The following DNAJC1 variants were observed in gnomAD, a reference collection of about 807,000 sequenced individuals.
DNAJC1 encodes dnaJ homolog subfamily C member 1.
In DNAJC1, 58 loss-of-function variants were observed where a neutral mutation model predicts 76.6. The observed-to-expected ratio is 0.76, with a 90% CI of 0.61 to 0.94. The LOEUF is 0.94. Among genes scored for constraint, DNAJC1 ranks in the 40% least tolerant of loss-of-function variants. DNAJC1 has a pLI of 0.00. For synonymous variants in DNAJC1, 258 were observed against 267.9 expected (o/e 0.96, Z 0.36); for missense variants, 689 against 677.3 (o/e 1.02, Z -0.19).
At chr10:21,840,025 GA>G (rs1383353353) in intron 8 of DNAJC1, among the ~76,000 whole-genome samples, 2 of 152,188 alleles carry the variant, frequency 1.3e-5, no homozygotes, top group African/African-American at 2.4e-5. Flanking sequence ...AATAGATGCA[GA>G]AAAGGCCTTT....
chr10:21,884,547 C>T (rs1231988262), intron 7 of DNAJC1, among the ~76,000 whole-genome samples: 1 of 151,996 alleles, frequency 6.6e-6, no homozygotes, highest in Non-Finnish European at 1.5e-5. Context: ...AGCAATTCTC[C>T]CAGAAACAAA....
chr10:21,889,498 A>G (rs759577129), intron 7 of DNAJC1, among the ~76,000 whole-genome samples: 11 of 152,246 alleles, frequency 7.2e-5, no homozygotes, highest in Non-Finnish European at 1.0e-4. Flanking sequence ...AAAAAAGATA[A>G]AAGAGTAAAC....
At chr10:21,980,286 G>T (rs1299939743) in intron 1 of DNAJC1, among the ~76,000 whole-genome samples, 2 of 152,026 alleles carry the variant, frequency 1.3e-5, no homozygotes, top group Non-Finnish European at 1.5e-5. Context: ...TAATTTTACG[G>T]TGGAGAAACC....
intron 6 of DNAJC1, among the ~76,000 whole-genome samples, chr10:21,917,505 A>G (rs1332413263): frequency 6.6e-6 from 1 of 152,056 alleles, no homozygotes; most frequent in African/African-American, 2.4e-5. Flanking sequence ...AAAGTTGGCA[A>G]AAAATAATCA....
At chr10:21,972,960 A>T (rs1458585864) in intron 1 of DNAJC1, among the ~76,000 whole-genome samples, 1 of 152,164 alleles carries the variant, frequency 6.6e-6, no homozygotes, top group Non-Finnish European at 1.5e-5. Flanking sequence ...CCATTTTTCA[A>T]ATCAGCTTCC....
At chr10:21,760,979 G>A (rs1834233898) in intron 10 of DNAJC1, among the ~76,000 whole-genome samples, 1 of 148,290 alleles carries the variant, frequency 6.7e-6, no homozygotes, top group South Asian at 2.2e-4. Context: ...AGGAGTTCCA[G>A]ACCAGCTTGG....
intron 1 of DNAJC1, among the ~76,000 whole-genome samples, chr10:21,948,356 T>A (rs1837540179): frequency 6.6e-6 from 1 of 152,208 alleles, no homozygotes; most frequent in African/African-American, 2.4e-5. Context: ...TTGCACAAAA[T>A]AATTTTAGGA....
intron 1 of DNAJC1, among the ~76,000 whole-genome samples, chr10:21,955,688 A>T (rs1009667513): frequency 6.6e-6 from 1 of 152,154 alleles, no homozygotes; most frequent in Non-Finnish European, 1.5e-5. Context: ...ATTTTATTAA[A>T]ATTTTATCAA....
intron 10 of DNAJC1, among the ~76,000 whole-genome samples, chr10:21,761,453 G>A (rs1834239438): frequency 6.6e-6 from 1 of 151,560 alleles, no homozygotes. Flanking sequence ...CAGCTACTCA[G>A]GAGGCCGAGG....
intron 8 of DNAJC1, among the ~76,000 whole-genome samples, chr10:21,873,477 T>A (rs1250517312): frequency 3.3e-5 from 5 of 151,900 alleles, no homozygotes; most frequent in Non-Finnish European, 7.4e-5. Context: ...TCAAAAGTGG[T>A]GAAAAAAAAT....
At chr10:21,773,299 T>G (rs959106815) in intron 9 of DNAJC1, among the ~76,000 whole-genome samples, 28 of 152,240 alleles carry the variant, frequency 1.8e-4, no homozygotes, top group Admixed American at 1.8e-3. Flanking sequence ...GTGTGCTAGC[T>G]GCATTCCTTG....
chr10:21,888,598 A>G (rs1836406394), intron 7 of DNAJC1, among the ~76,000 whole-genome samples: 1 of 152,220 alleles, frequency 6.6e-6, no homozygotes, highest in Non-Finnish European at 1.5e-5. Flanking sequence ...ATGCAGCCAT[A>G]AAAAGAATGA....
chr10:21,920,705 G>A (rs908484120), intron 4 of DNAJC1, 93 bp downstream of exon 4: 2 of 1,259,164 alleles, frequency 1.6e-6, no homozygotes, highest in Non-Finnish European at 2.2e-6. Flanking sequence ...TATACAGAGA[G>A]AAACAGAAAT....
At chr10:21,955,453 G>A (rs186031314) in intron 1 of DNAJC1, among the ~76,000 whole-genome samples, 2 of 151,892 alleles carry the variant, frequency 1.3e-5, no homozygotes, top group Non-Finnish European at 2.9e-5. Flanking sequence ...CTGACAAATG[G>A]GACTGAGGGC....
intron 8 of DNAJC1, among the ~76,000 whole-genome samples, chr10:21,871,642 T>A (rs987049183): frequency 5.9e-5 from 9 of 152,018 alleles, no homozygotes; most frequent in Non-Finnish European, 1.3e-4. Flanking sequence ...ATGTCTAATT[T>A]TCGTTATTAT....
chr10:21,866,146 A>AAAAAAAAAAAAAC (rs1835997535), intron 8 of DNAJC1, among the ~76,000 whole-genome samples: 1 of 151,010 alleles, frequency 6.6e-6, no homozygotes, highest in African/African-American at 2.4e-5. Context: ...AAAAAAAAAA[A>AAAAAAAAAAAAAC]AAAAAAAAAG....
At chr10:21,835,517 T>C (rs1422764156) in intron 8 of DNAJC1, among the ~76,000 whole-genome samples, 1 of 152,066 alleles carries the variant, frequency 6.6e-6, no homozygotes, top group Non-Finnish European at 1.5e-5. Context: ...CTTCAGACGA[T>C]CAAACTACTC....
intron 1 of DNAJC1, among the ~76,000 whole-genome samples, chr10:21,997,509 G>A (rs991115352): frequency 6.6e-6 from 1 of 152,144 alleles, no homozygotes; most frequent in African/African-American, 2.4e-5. Context: ...TGACTGATCA[G>A]CTCTTCCTAA....
chr10:21,800,788 A>C (rs537411796), intron 9 of DNAJC1, among the ~76,000 whole-genome samples: 1 of 152,366 alleles, frequency 6.6e-6, no homozygotes, highest in South Asian at 2.1e-4. Flanking sequence ...AAATGTTCAC[A>C]GAGATCTCTT....
Sources: gnomAD v4.1 joint callset for allele counts (sites outside exome capture counted in the v4.1 genomes callset) on GRCh38, gnomAD v4.1.1 for gene constraint, MANE v1.5 for transcripts, NCBI Gene and HGNC (gene_info 2026-07-23, HGNC 2026-07-21) for gene names.